Variants in GPC5 observed in about 807,000 individuals in gnomAD.
The protein encoded by GPC5 is glypican-5.
GPC5 carries 47 observed loss-of-function variants against 53.9 expected under a neutral mutation model. That is an observed-to-expected ratio of 0.87 (90% CI 0.69 to 1.11). The LOEUF (loss-of-function observed/expected upper bound fraction) is 1.11, where lower values mean the gene tolerates loss of function less well. GPC5 is among the 50% of genes most tolerant of loss of function. The pLI is 0.00. For synonymous variants in GPC5, 286 were observed against 263.3 expected, an observed-to-expected ratio of 1.09 and a Z score of -0.84; for missense variants, 748 against 713.1, an observed-to-expected ratio of 1.05 and a Z score of -0.56.
chr13:92,217,519 A>C (rs564922725), intron 7 of GPC5, among the ~76,000 whole-genome samples: 1 of 152,238 alleles, frequency 6.6e-6, no homozygotes, highest in East Asian at 1.9e-4. Flanking sequence ...TTCTGCTAGT[A>C]ACTTTCTATC....
chr13:92,300,889 G>T (rs2043070894), intron 7 of GPC5, among the ~76,000 whole-genome samples: 1 of 152,136 alleles, frequency 6.6e-6, no homozygotes, highest in Non-Finnish European at 1.5e-5. Flanking sequence ...GCTAATTGAG[G>T]CATCAGCAAA....
rs573151128 is a variant in GPC5, at chr13:91,456,946, A to G, written c.325+8024A>G. Among the ~76,000 whole-genome samples the G allele has an allele frequency of 2.6e-5, 4 of 151,480 alleles. No homozygotes were observed. In the South Asian group the frequency reaches 8.3e-4, roughly 32 times the overall value. ...AATATTGAAAGTAGGGTATTTCCCT[A>G]TTTATAAGAGGCTGGTGGAAAGACA... On this transcript the variant is annotated intron_variant, in intron 2 of 7. Coordinates refer to ENST00000377067, the MANE Select transcript of GPC5 (RefSeq NM_004466.6).
At chr13:92,277,746 A>T (rs1330548012) in intron 7 of GPC5, among the ~76,000 whole-genome samples, 2 of 151,924 alleles carry the variant, frequency 1.3e-5, no homozygotes, top group Non-Finnish European at 2.9e-5. Flanking sequence ...ACTGCAGACA[A>T]CTTGTTTCTA....
intron 7 of GPC5, among the ~76,000 whole-genome samples, chr13:92,198,362 G>C (rs2042271769): frequency 6.6e-6 from 1 of 152,076 alleles, no homozygotes. Flanking sequence ...TCTGTTGATA[G>C]GTTGGTTGAT....
chr13:91,446,482 C>T (rs965523159), intron 1 of GPC5, among the ~76,000 whole-genome samples: 3 of 152,140 alleles, frequency 2.0e-5, no homozygotes, highest in Non-Finnish European at 4.4e-5. Flanking sequence ...CTCTTGCTGT[C>T]TCATAGAATT....
chr13:92,080,049 C>T (rs891318090), intron 6 of GPC5, among the ~76,000 whole-genome samples: 1 of 152,120 alleles, frequency 6.6e-6, no homozygotes, highest in Non-Finnish European at 1.5e-5. Context: ...GGGTATTTTC[C>T]ACATGGGCTA....
chr13:92,862,591 T>C (rs991295884), intron 7 of GPC5, among the ~76,000 whole-genome samples: 1 of 151,676 alleles, frequency 6.6e-6, no homozygotes. Context: ...TGTCAAGAAA[T>C]CTGGTGTCAG....
At chr13:91,660,458 C>G (rs2034961044) in intron 2 of GPC5, among the ~76,000 whole-genome samples, 1 of 152,184 alleles carries the variant, frequency 6.6e-6, no homozygotes, top group Middle Eastern at 3.2e-3. Context: ...CCCAGTGAAG[C>G]TTGGAGATGA....
intron 2 of GPC5, among the ~76,000 whole-genome samples, chr13:91,573,489 G>T (rs79524166): frequency 0.025 from 3,764 of 152,168 alleles, 65 homozygotes; most frequent in Non-Finnish European, 0.04. Flanking sequence ...TATCTTTAGA[G>T]GTAGTCATTA....
intron 5 of GPC5, among the ~76,000 whole-genome samples, chr13:91,890,992 T>A (rs567110134): frequency 1.3e-5 from 2 of 152,330 alleles, no homozygotes; most frequent in South Asian, 4.1e-4. Context: ...GTGTGGCCCA[T>A]ATACCAGGTA....
At chr13:92,455,816 A>G (rs1348242047) in intron 7 of GPC5, among the ~76,000 whole-genome samples, 1 of 152,224 alleles carries the variant, frequency 6.6e-6, no homozygotes, top group Non-Finnish European at 1.5e-5. Context: ...GCCATCAGGG[A>G]AAAATAAATA....
chr13:92,480,152 A>C (rs1449566870), intron 7 of GPC5, among the ~76,000 whole-genome samples: 1 of 152,142 alleles, frequency 6.6e-6, no homozygotes, highest in Non-Finnish European at 1.5e-5. Flanking sequence ...CAAAGTAGAA[A>C]AATCAGAGTG....
intron 7 of GPC5, among the ~76,000 whole-genome samples, chr13:92,516,160 T>G (rs9584033): frequency 6.6e-6 from 1 of 152,042 alleles, no homozygotes; most frequent in African/African-American, 2.4e-5. Flanking sequence ...ACAGCTAATT[T>G]TTTTTCTACT....
At chr13:91,451,569 A>G (rs1417968418) in intron 2 of GPC5, among the ~76,000 whole-genome samples, 2 of 151,636 alleles carry the variant, frequency 1.3e-5, no homozygotes, top group Non-Finnish European at 2.9e-5. Flanking sequence ...CTGCCTATGT[A>G]TATTCCATTT....
intron 6 of GPC5, among the ~76,000 whole-genome samples, chr13:92,036,903 C>G (rs2040897682): frequency 6.6e-6 from 1 of 152,160 alleles, no homozygotes; most frequent in Admixed American, 6.5e-5. Flanking sequence ...TGATCTAGTA[C>G]AATTCTTTAC....
intron 2 of GPC5, among the ~76,000 whole-genome samples, chr13:91,672,783 G>C (rs139635638): frequency 6.6e-6 from 1 of 152,128 alleles, no homozygotes; most frequent in African/African-American, 2.4e-5. Flanking sequence ...ACATGCATAC[G>C]TATGTTTATT....
intron 7 of GPC5, among the ~76,000 whole-genome samples, chr13:92,539,086 A>G (rs972065642): frequency 1.4e-5 from 2 of 147,866 alleles, no homozygotes; most frequent in East Asian, 2.0e-4. Context: ...TCCTTTGGGT[A>G]TATAGTAGAA....
chr13:92,809,307 A>G (rs1025827546), intron 7 of GPC5, among the ~76,000 whole-genome samples: 1 of 152,182 alleles, frequency 6.6e-6, no homozygotes, highest in African/African-American at 2.4e-5. Flanking sequence ...TTAAAAGGCA[A>G]TGAGCCCCAT....
At chr13:91,733,475 C>T (rs1017260712) in intron 4 of GPC5, among the ~76,000 whole-genome samples, 2 of 152,120 alleles carry the variant, frequency 1.3e-5, no homozygotes, top group African/African-American at 4.8e-5. Flanking sequence ...GAATGTTTTT[C>T]CATTTGTTTT....
Sources: allele counts gnomAD v4.1 joint callset (sites outside exome capture counted in the v4.1 genomes callset), GRCh38; gene constraint gnomAD v4.1.1; transcripts MANE v1.5; gene names NCBI Gene and HGNC (gene_info 2026-07-23, HGNC 2026-07-21).